Variants in ZFAND2A observed in about 807,000 individuals in gnomAD.
The protein encoded by ZFAND2A is AN1-type zinc finger protein 2A.
Under a neutral mutation model 11.6 loss-of-function variants are expected in ZFAND2A, and 20 were observed. That is an observed-to-expected ratio of 1.72 (90% CI 1.21 to 2.50). ZFAND2A has a LOEUF of 2.50. Among genes scored for constraint, ZFAND2A ranks in the 30% most tolerant of loss-of-function variants. The pLI is 0.00. For synonymous variants in ZFAND2A, 93 were observed against 60.6 expected (o/e 1.54, Z -2.48); for missense variants, 234 against 182.9 (o/e 1.28, Z -1.61).
chr7:1,159,471 C>T (rs62431998), intron 1 of ZFAND2A, among the ~76,000 whole-genome samples: 1,829 of 135,112 alleles, frequency 0.014, 29 homozygotes, highest in African/African-American at 0.045. Context: ...GCAGACAGGC[C>T]GGACCCCCAG....
At chr7:1,151,762 T>TTAAAAAAAAAAAAAAA (rs1554344524), downstream of ZFAND2A, among the ~76,000 whole-genome samples, 49 of 87,174 alleles carry the variant, frequency 5.6e-4, no homozygotes, top group African/African-American at 2.6e-3. Context: ...TCATCCCTTT[T>TTAAAAAAAAAAAAAAA]AAAAAAAAAA....
At chr7:1,158,114 C>T (rs761958971) in intron 2 of ZFAND2A, 44 bp downstream of exon 2, 3 of 1,588,262 alleles carry the variant, frequency 1.9e-6, no homozygotes, top group Non-Finnish European at 2.6e-6. Flanking sequence ...CAGCTTTCCC[C>T]CAACAAAATA....
chr7:1,151,762 T>TTTAAAAAAAAAAAAAAA (rs1554344524), downstream of ZFAND2A, among the ~76,000 whole-genome samples: 4 of 87,158 alleles, frequency 4.6e-5, no homozygotes, highest in African/African-American at 2.2e-4. Context: ...TCATCCCTTT[T>TTTAAAAAAAAAAAAAAA]AAAAAAAAAA....
Position 1,154,593 on chromosome 7 carries a change from G to A in ZFAND2A, c.282+860C>T, listed in dbSNP as rs181783967. On this transcript the variant is annotated intron_variant, in intron 4 of 4. Coordinates refer to ENST00000316495, the MANE Select transcript of ZFAND2A (RefSeq NM_182491.4). ...GGGTCCCAGGGCACAGCCACAGCAG[G>A]GAGAGCTAGACAGGGCCAGAAAGTG... 5.9e-5 allele frequency among the ~76,000 whole-genome samples: 9 copies of A among 152,338 alleles called. No individual in the cohort carries two copies. The East Asian group carries it at 1.7e-3, about 29-fold the overall frequency.
chr7:1,148,920 C>T (rs554316654), downstream of ZFAND2A, among the ~76,000 whole-genome samples: 78 of 148,976 alleles, frequency 5.2e-4, no homozygotes, highest in Non-Finnish European at 1.0e-3. Context: ...GCAGCCTTGA[C>T]GTCTCCTGAG....
At chr7:1,154,846 G>A (rs1440068151) in intron 4 of ZFAND2A, among the ~76,000 whole-genome samples, 8 of 152,188 alleles carry the variant, frequency 5.3e-5, no homozygotes, top group Admixed American at 3.3e-4. Flanking sequence ...TGAGCTGGGC[G>A]TGGTGGCTCA....
At chr7:1,151,219 G>A (rs1364910831), downstream of ZFAND2A, among the ~76,000 whole-genome samples, 1 of 152,032 alleles carries the variant, frequency 6.6e-6, no homozygotes, top group African/African-American at 2.4e-5. Context: ...GTTGACCGTG[G>A]CAGGGACAAG....
downstream of ZFAND2A, among the ~76,000 whole-genome samples, chr7:1,151,157 A>G (rs1207902940): frequency 6.6e-6 from 1 of 152,090 alleles, no homozygotes; most frequent in Non-Finnish European, 1.5e-5. Context: ...CAAAGTGCTG[A>G]GATTACAAGC....
chr7:1,158,374 T>G, intron 1 of ZFAND2A, 117 bp from the exon 2 acceptor site: 1 of 659,786 alleles, frequency 1.5e-6, no homozygotes, highest in Non-Finnish European at 2.6e-6. Context: ...GAGCATTCCA[T>G]GGAGTTTTAG....
At chr7:1,158,054 G>A (rs1793573619) in intron 2 of ZFAND2A, 104 bp downstream of exon 2, 2 of 1,155,974 alleles carry the variant, frequency 1.7e-6, no homozygotes, top group East Asian at 4.7e-5. Context: ...TCCCAATACT[G>A]AGGAGCCAGG....
intron 1 of ZFAND2A, among the ~76,000 whole-genome samples, chr7:1,159,339 C>A (rs1793617740): frequency 6.6e-6 from 1 of 152,376 alleles, no homozygotes; most frequent in African/African-American, 2.4e-5. Flanking sequence ...GCGGGCCGGG[C>A]CCGCAGCAAG....
Position 1,153,117 on chromosome 7 carries a change from C to T in ZFAND2A, c.390G>A (p.Leu130=), listed in dbSNP as rs755700422. Residue 130 remains leucine (L), a synonymous_variant, in exon 5 of 5, where the codon TTG becomes TTA. Transcript: ENST00000316495. ...GACTCCCGTGTCTGCAGCTGTGGTC[C>T]AAAGGGTGTCTGTGCTGGATACAGA... is the stretch of plus-strand genomic sequence containing the variant. ...GNFCIQHRHP[L]DHSCRHGSRP... is the part of the protein sequence containing the mutation. 5 of 1,614,190 alleles carry T rather than the reference C, an allele frequency of 3.1e-6. No homozygotes were observed. Among genetic ancestry groups the T allele is most frequent in the Non-Finnish European group, 4.2e-6 (5 of 1,180,042 alleles).
At position 1,153,113 on chromosome 7, in the gene ZFAND2A, G is replaced by A. The variant is rs1330646843; in HGVS notation, c.394C>T (p.His132Tyr). 2 of 1,614,194 alleles carry A rather than the reference G, an allele frequency of 1.2e-6. No individual in the cohort carries two copies. Among genetic ancestry groups the A allele is most frequent in the East Asian group, 2.2e-5 (1 of 44,890 alleles). ...GGGCGACTCCCGTGTCTGCAGCTGT[G>A]GTCCAAAGGGTGTCTGTGCTGGATA... ...FCIQHRHPLD[H>Y]SCRHGSRPTI... The change falls in exon 5 of 5, where the codon CAC becomes TAC. Residue 132 changes from histidine to tyrosine, a missense_variant. Physicochemically the swap from His to Tyr is moderately conservative, Grantham distance 83. Transcript: ENST00000316495.
chr7:1,159,210 C>T (rs1793612650), intron 1 of ZFAND2A, among the ~76,000 whole-genome samples: 1 of 152,232 alleles, frequency 6.6e-6, no homozygotes, highest in Admixed American at 6.5e-5. Context: ...GTGCCCGACA[C>T]ACAGCAGGCG....
rs1317652020 is a variant in ZFAND2A, at chr7:1,160,115, C to T, written c.-197G>A. ...ACGCCGTCGGAGGCACACCCACACC[C>T]ACACCGGAACGCAACATCTCGCTGC... is the stretch of plus-strand genomic sequence containing the variant. On this transcript the variant is annotated 5_prime_UTR_variant, in exon 1 of 5. Transcript: ENST00000316495. The T allele has an allele frequency of 6.5e-6, 1 of 152,844 alleles. No homozygotes were observed. Among genetic ancestry groups the T allele is most frequent in the African/African-American group, 2.4e-5 (1 of 41,474 alleles). 9.5% of individuals were successfully genotyped at this position (152,844 alleles called of 1,614,324 possible).
intron 3 of ZFAND2A, among the ~76,000 whole-genome samples, chr7:1,156,539 G>A (rs1173250235): frequency 9.6e-6 from 1 of 103,634 alleles, no homozygotes; most frequent in Non-Finnish European, 1.9e-5. Flanking sequence ...GGGGTGGACC[G>A]CCCAGCAGCT....
At chr7:1,153,358 C>CT (rs1180110204) in intron 4 of ZFAND2A, 134 bp from the exon 5 acceptor site, 23 of 931,794 alleles carry the variant, frequency 2.5e-5, no homozygotes, top group Non-Finnish European at 2.4e-5. Flanking sequence ...AGTGATTCTC[C>CT]TGCTTCAGCC....
intron 2 of ZFAND2A, 51 bp from the exon 3 acceptor site, chr7:1,157,801 C>T (rs2128258782): frequency 1.5e-6 from 2 of 1,349,634 alleles, no homozygotes; most frequent in Non-Finnish European, 2.0e-6. Flanking sequence ...CAAAATACTT[C>T]CAGATAGTAC....
downstream of ZFAND2A, among the ~76,000 whole-genome samples, chr7:1,151,330 T>G (rs1254966041): frequency 2.0e-5 from 3 of 152,086 alleles, no homozygotes; most frequent in Non-Finnish European, 4.4e-5. Flanking sequence ...GTAGCACCTG[T>G]GGCCGCCGCT....
Sources: gnomAD v4.1 joint callset for allele counts (sites outside exome capture counted in the v4.1 genomes callset) on GRCh38, gnomAD v4.1.1 for gene constraint, MANE v1.5 for transcripts, NCBI Gene and HGNC (gene_info 2026-07-23, HGNC 2026-07-21) for gene names.